The following WDR90 variants were observed in gnomAD, a reference collection of about 807,000 sequenced individuals.
WDR90 encodes the protein WD repeat domain 90.
WDR90 carries 238 observed loss-of-function variants against 195.2 expected under a neutral mutation model. The ratio of observed to expected loss-of-function variants is 1.22; its 90% CI spans 1.10 to 1.36. WDR90 has a LOEUF of 1.36. Among genes scored for constraint, WDR90 ranks in the 40% most tolerant of loss-of-function variants. The pLI, the probability that WDR90 is intolerant of heterozygous loss-of-function variation, is 0.00. For synonymous variants in WDR90, 1,265 were observed against 1,052.4 expected (o/e 1.20, Z -3.91); for missense variants, 2,734 against 2,439.5 (o/e 1.12, Z -2.54).
chr16:651,383 G>C, intron 7 of WDR90, 117 bp downstream of exon 7: 1 of 1,267,916 alleles, frequency 7.9e-7, no homozygotes. Context: ...GCTGGTGCAG[G>C]GACCCAGGGA....
intron 34 of WDR90, 136 bp from the exon 35 acceptor site, chr16:665,543 A>G: frequency 7.1e-7 from 1 of 1,414,688 alleles, no homozygotes; most frequent in Middle Eastern, 1.8e-4. Flanking sequence ...CCTTTCCGCC[A>G]TGTGGAGTTG....
Position 662,334 on chromosome 16 carries a change from G to T in WDR90, c.4145+3G>T, listed in dbSNP as rs374630572. 1.0e-5 allele frequency: 16 copies of T among 1,556,882 alleles called. No homozygotes were observed. The highest frequency in any genetic ancestry group is 1.4e-5 in the Non-Finnish European group (16 of 1,152,286). Reference sequence around the variant, plus strand: ...AGGTGCAAGGGCTCAGGCGCCAGGTGAGCTGTTCACCCCTACGTGTTTTGG... The same window carrying T: ...AGGTGCAAGGGCTCAGGCGCCAGGTTAGCTGTTCACCCCTACGTGTTTTGG... On this transcript the variant is annotated splice_donor_region_variant and intron_variant, in intron 33 of 40. Coordinates refer to ENST00000293879, the MANE Select transcript of WDR90 (RefSeq NM_145294.5).
chr16:666,519 G>T lies in WDR90; in HGVS notation c.4805G>T (p.Ser1602Ile). The T allele has an allele frequency of 6.2e-7, 1 of 1,612,778 alleles. No homozygotes were observed. Among genetic ancestry groups the T allele is most frequent in the Non-Finnish European group, 8.5e-7 (1 of 1,179,970 alleles). The change falls in exon 38 of 41, where the codon AGC becomes ATC. Residue 1602 changes from serine to isoleucine, a missense_variant. Ser to Ile is a moderately radical substitution (Grantham distance 142, BLOSUM62 -2). Coordinates refer to ENST00000293879, the MANE Select transcript of WDR90 (RefSeq NM_145294.5). ...GCTGCCAGTGGGGACCAGCGGGTCA[G>T]CGTCTGGGCCTCCGACTGGCTGCGG... ...WLAASGDQRV[S>I]VWASDWLRNH...
rs2037611214 is a variant in WDR90, at chr16:650,083, GGGGCTGAC to G, written c.199_206del (p.Leu67ThrfsTer41). On this transcript the variant is annotated frameshift_variant, in exon 3 of 41. Transcript: ENST00000293879. LOFTEE classifies it high-confidence loss of function. Reference sequence around the variant, plus strand: ...TCCCTAAGAGCAGCACCCAGTCTCTGGGGCTGACGGGACGATACCTGTATGTGCTCTTT... The same window carrying G: ...TCCCTAAGAGCAGCACCCAGTCTCTGGGGACGATACCTGTATGTGCTCTTT... 2 of 1,613,028 alleles carry G rather than the reference GGGGCTGAC, an allele frequency of 1.2e-6. No individual in the cohort carries two copies. Among genetic ancestry groups the G allele is most frequent in the Non-Finnish European group, 1.7e-6 (2 of 1,179,972 alleles).
At chr16:656,623 G>C in intron 18 of WDR90, 86 bp downstream of exon 18, 1 of 1,574,930 alleles carries the variant, frequency 6.3e-7, no homozygotes, top group Non-Finnish European at 8.6e-7. Context: ...GGGGCCTATA[G>C]GGACCTGGAC....
rs2037764715 is a variant in WDR90 at position 656,782 on chromosome 16, C to T, written c.2253C>T (p.His751=). The T allele has an allele frequency of 1.9e-6, 3 of 1,613,252 alleles. No homozygotes were observed. In the Admixed American group the frequency reaches 5.0e-5, roughly 27 times the overall value. Residue 751 remains histidine, a synonymous_variant, in exon 19 of 41, where the codon CAC becomes CAT. Transcript: ENST00000293879. The stretch of plus-strand genomic sequence containing the variant: ...ACGCCCCGTGCGCTGTCACCTTCCA[C>T]CCCACAAGGCCAACCTTTTTCTGTG... ...SEDAPCAVTF[H]PTRPTFFCGF... is the part of the protein sequence containing the mutation.
In WDR90 at chr16:653,730, T is replaced by A. The variant is rs779813884; in HGVS notation, c.1380-16T>A. The A allele has an allele frequency of 1.2e-6, 2 of 1,613,230 alleles. No homozygotes were observed. Among genetic ancestry groups the A allele is most frequent in the Admixed American group, 1.7e-5 (1 of 60,024 alleles). ...GTCAGCCCAGGCGACAATGACCACCTCCTCCCTGTTCACAGCTTCTCTGAC... is the reference window on the plus strand; with the variant it reads ...GTCAGCCCAGGCGACAATGACCACCACCTCCCTGTTCACAGCTTCTCTGAC... On this transcript the variant is annotated splice_polypyrimidine_tract_variant and intron_variant, in intron 12 of 40. Coordinates refer to ENST00000293879, the MANE Select transcript of WDR90 (RefSeq NM_145294.5).
At chr16:657,021 G>A (rs1043452623) in intron 19 of WDR90, 70 bp from the exon 20 acceptor site, 58 of 1,572,088 alleles carry the variant, frequency 3.7e-5, no homozygotes, top group Non-Finnish European at 4.9e-5. Context: ...CTGGTTGGCT[G>A]GAGGTCGAGG....
At position 650,006 on chromosome 16, in the gene WDR90, G is replaced by A. The variant is rs1010617887; in HGVS notation, c.118G>A (p.Gly40Ser). 1.2e-6 allele frequency: 2 copies of A among 1,612,758 alleles called. No homozygotes were observed. Among genetic ancestry groups the A allele is most frequent in the Non-Finnish European group, 1.7e-6 (2 of 1,179,950 alleles). Reference protein sequence around the residue: ...VAVVTDKTLKGAVYRIRGSVS... With the variant: ...VAVVTDKTLKSAVYRIRGSVS... ...GCTTCTCCAGGACAAGACCCTGAAG[G>A]GCGCCGTGTATCGCATTCGGGGCTC... Residue 40 changes from glycine to serine, a missense_variant, in exon 3 of 41, where the codon GGC (glycine) becomes AGC (serine). Coordinates refer to ENST00000293879, the MANE Select transcript of WDR90 (RefSeq NM_145294.5).
In WDR90 at chr16:660,765, G is replaced by A. The variant is rs2037879624; in HGVS notation, c.3391+51G>A. ...CCCCAGCCAAGATGCGGCCGCGCGT[G>A]GTCCAGCCGTCTCCACCCCAAGGCC... On this transcript the variant is annotated intron_variant, in intron 28 of 40. Transcript: ENST00000293879. 5 of 1,513,042 alleles carry A rather than the reference G, an allele frequency of 3.3e-6. No homozygotes were observed. In the East Asian group the frequency reaches 1.2e-4, roughly 38 times the overall value. The allele number at this position is 1,513,042 out of a possible 1,614,324, so 93.7% of individuals were successfully genotyped here.
At chr16:656,621 T>C (rs1030749243) in intron 18 of WDR90, 84 bp downstream of exon 18, 9 of 1,574,930 alleles carry the variant, frequency 5.7e-6, no homozygotes, top group Admixed American at 3.5e-5. Context: ...GAGGGGCCTA[T>C]AGGGACCTGG....
chr16:663,232 G>A (rs1217132710), intron 34 of WDR90: 1 of 357,560 alleles, frequency 2.8e-6, no homozygotes. Context: ...GAGGTCAGGA[G>A]TTCGAGACCA....
At position 655,848 on chromosome 16, in the gene WDR90, G is replaced by A. The variant is rs753503689; in HGVS notation, c.1925G>A (p.Arg642Gln). The A allele has an allele frequency of 6.3e-7, 1 of 1,598,558 alleles. No individual in the cohort carries two copies. The highest frequency in any genetic ancestry group is 8.5e-7 in the Non-Finnish European group (1 of 1,175,010). Residue 642 changes from arginine to glutamine, a missense_variant, in exon 17 of 41, where the codon CGG becomes CAG. Physicochemically the swap from Arg to Gln is conservative, Grantham distance 43 (BLOSUM62 1). Coordinates refer to ENST00000293879, the MANE Select transcript of WDR90 (RefSeq NM_145294.5). The part of the protein sequence containing the change: ...CAVGSEDGFL[R>Q]LWPLDFSSVL... ...GTGGGCTCTGAGGACGGCTTCTTGC[G>A]GCTCTGGCCCCTGGACTTCTCCTCG... is the stretch of plus-strand genomic sequence containing the variant.
intron 20 of WDR90, chr16:657,487 C>A: frequency 1.4e-6 from 1 of 704,808 alleles, no homozygotes; most frequent in Non-Finnish European, 2.3e-6. Context: ...TGGAGTCAGA[C>A]CCAGGCATGG....
At chr16:663,158 C>G (rs1270386200) in intron 34 of WDR90, 1 of 446,520 alleles carries the variant, frequency 2.2e-6, no homozygotes, top group Non-Finnish European at 4.4e-6. Context: ...TCACATCAGT[C>G]CGGGCGTGGT....
Position 666,257 on chromosome 16 carries a change from G to A in WDR90, c.4647G>A (p.Val1549=). 1.9e-6 allele frequency: 3 copies of A among 1,612,710 alleles called. No individual in the cohort carries two copies. Among genetic ancestry groups the A allele is most frequent in the African/African-American group, 1.3e-5 (1 of 75,034 alleles). ...TVLSGDKDGL[V]AVSHPCTGTT... ...TCTCTGGAGACAAGGATGGGCTCGTGGCTGTGAGCCACCCCTGCACAGGGA... is the reference window on the plus strand; with the variant it reads ...TCTCTGGAGACAAGGATGGGCTCGTAGCTGTGAGCCACCCCTGCACAGGGA... The change falls in exon 37 of 41, where the codon GTG becomes GTA. Residue 1549 remains valine (V), a synonymous_variant. Coordinates refer to ENST00000293879, the MANE Select transcript of WDR90 (RefSeq NM_145294.5).
At chr16:664,233 G>A (rs2037978236) in intron 34 of WDR90, among the ~76,000 whole-genome samples, 1 of 152,114 alleles carries the variant, frequency 6.6e-6, no homozygotes, top group African/African-American at 2.4e-5. Flanking sequence ...GTCGCTCCCT[G>A]CTTCCCGCCT....
At chr16:659,198 G>A (rs761411774) in intron 25 of WDR90, 47 bp from the exon 26 acceptor site, 1 of 1,610,458 alleles carries the variant, frequency 6.2e-7, no homozygotes, top group South Asian at 1.1e-5. Flanking sequence ...CTGCCTAGTG[G>A]CCCTTCCTCT....
At chr16:661,296 A>G (rs774769803) in intron 29 of WDR90, 46 bp from the exon 30 acceptor site, 1 of 1,547,544 alleles carries the variant, frequency 6.5e-7, no homozygotes, top group Non-Finnish European at 8.7e-7. Context: ...CCTCCACTCC[A>G]GCCAGCCACG....
Sources: allele counts gnomAD v4.1 joint callset (sites outside exome capture counted in the v4.1 genomes callset), GRCh38; gene constraint gnomAD v4.1.1; transcripts MANE v1.5; gene names NCBI Gene and HGNC (gene_info 2026-07-23, HGNC 2026-07-21).